Variants in RAD51B observed in about 807,000 individuals in gnomAD.
RAD51B encodes the protein DNA repair protein RAD51 homolog 2.
In RAD51B, 38 loss-of-function variants were observed where a neutral mutation model predicts 42.2. The observed-to-expected ratio is 0.90, with a 90% CI of 0.70 to 1.18. The LOEUF (loss-of-function observed/expected upper bound fraction) is 1.18. Ranked by LOEUF, RAD51B falls within the 50% of genes most tolerant of loss-of-function variation. RAD51B has a pLI of 0.00. For synonymous variants in RAD51B, 154 were observed against 145.2 expected, an observed-to-expected ratio of 1.06 and a Z score of -0.43; for missense variants, 373 against 400.7, an observed-to-expected ratio of 0.93 and a Z score of 0.59.
At chr14:68,342,709 G>A (rs2082596009) in intron 8 of RAD51B, among the ~76,000 whole-genome samples, 1 of 137,058 alleles carries the variant, frequency 7.3e-6, no homozygotes, top group Non-Finnish European at 1.7e-5. Flanking sequence ...GTTTATCCTT[G>A]TCACCATGTG....
At chr14:68,648,708 CA>C (rs1892636513) in intron 10 of RAD51B, among the ~76,000 whole-genome samples, 2 of 142,962 alleles carry the variant, frequency 1.4e-5, no homozygotes, top group African/African-American at 5.2e-5. Flanking sequence ...CACACACACA[CA>C]CACACAGGGA....
At chr14:67,947,317 C>T (rs2045429923) in intron 7 of RAD51B, among the ~76,000 whole-genome samples, 1 of 152,100 alleles carries the variant, frequency 6.6e-6, no homozygotes, top group African/African-American at 2.4e-5. Context: ...GAAATAGTTT[C>T]CTGTAAGGCA....
intron 9 of RAD51B, among the ~76,000 whole-genome samples, chr14:68,415,247 A>G (rs988693204): frequency 6.6e-6 from 1 of 152,006 alleles, no homozygotes; most frequent in Non-Finnish European, 1.5e-5. Flanking sequence ...CTCTGCCTTA[A>G]ATAATAGATA....
chr14:68,352,766 C>G (rs2082816417), intron 8 of RAD51B, among the ~76,000 whole-genome samples: 2 of 152,310 alleles, frequency 1.3e-5, no homozygotes, highest in African/African-American at 2.4e-5. Context: ...GGGACACTTA[C>G]CAGTATAAAT....
chr14:67,839,450 A>G (rs1264490607), intron 4 of RAD51B, among the ~76,000 whole-genome samples: 1 of 151,976 alleles, frequency 6.6e-6, no homozygotes, highest in Non-Finnish European at 1.5e-5. Flanking sequence ...ATGTTTTCAA[A>G]TTTATTATAA....
rs117748198 is a variant in RAD51B at position 68,546,963 on chromosome 14, C to T, written c.1037-47522C>T. Among the ~76,000 whole-genome samples, 22 of 152,314 alleles carry T rather than the reference C, an allele frequency of 1.4e-4. No individual in the cohort carries two copies. The East Asian group carries it at 4.0e-3, about 28-fold the overall frequency. ...TCAGGACTTTCTCCTTCTAGCACAC[C>T]CTGAGGGTGAGGCCAGAATTAGTCA... is the stretch of plus-strand genomic sequence containing the variant. On this transcript the variant is annotated intron_variant, in intron 10 of 10. Coordinates refer to the RAD51B transcript ENST00000487270.
intron 7 of RAD51B, among the ~76,000 whole-genome samples, chr14:67,921,585 A>T (rs1056574884): frequency 2.7e-5 from 4 of 147,048 alleles, no homozygotes; most frequent in African/African-American, 1.0e-4. Flanking sequence ...ACACACACAC[A>T]CACACACACA....
At chr14:68,116,290 C>T (rs2077546336) in intron 7 of RAD51B, among the ~76,000 whole-genome samples, 1 of 147,516 alleles carries the variant, frequency 6.8e-6, no homozygotes, top group Non-Finnish European at 1.5e-5. Context: ...ATTTTATTTG[C>T]TGATATTCTG....
chr14:68,285,992 CT>C (rs1332757929), intron 7 of RAD51B, among the ~76,000 whole-genome samples: 1 of 152,206 alleles, frequency 6.6e-6, no homozygotes, highest in Non-Finnish European at 1.5e-5. Context: ...TCTGAAAAGA[CT>C]TTTATCACAA....
chr14:68,482,238 C>G (rs1030179673), downstream of RAD51B, among the ~76,000 whole-genome samples: 1 of 150,438 alleles, frequency 6.6e-6, no homozygotes, highest in Non-Finnish European at 1.5e-5. Context: ...TCTCCCTAAT[C>G]CTGCTAGCCT....
chr14:67,940,046 ATATATATATTTTTTTTTTTTTTTTTT>A (rs1266499764), intron 7 of RAD51B, among the ~76,000 whole-genome samples: 2 of 14,662 alleles, frequency 1.4e-4, no homozygotes, highest in Non-Finnish European at 3.6e-4. Flanking sequence ...ATATATATAT[ATATATATATTTTTTTTTTTTTTTTTT>A]TTTTTTTTTT....
chr14:68,561,450 C>T (rs1889142848), intron 10 of RAD51B, among the ~76,000 whole-genome samples: 1 of 152,192 alleles, frequency 6.6e-6, no homozygotes, highest in African/African-American at 2.4e-5. Flanking sequence ...GGCATGCTCA[C>T]CTGGGGCCTC....
rs186389996 is a variant in RAD51B at position 68,044,883 on chromosome 14, T to C, written c.756+157679T>C. 1.6e-3 allele frequency among the ~76,000 whole-genome samples: 249 copies of C among 152,114 alleles called. 1 individual carries two copies. The highest frequency in any genetic ancestry group is 2.6e-3 in the Non-Finnish European group (175 of 67,984). ...GTAATCTCTGTTGCAGAAAGCAGGA[T>C]TTTTGTGAGGTTGAAAGGAAAGTGT... On this transcript the variant is annotated intron_variant, in intron 7 of 10. Coordinates refer to ENST00000471583, the MANE Select transcript of RAD51B (RefSeq NM_133510.4).
At chr14:68,058,088 A>G (rs1235986386) in intron 7 of RAD51B, among the ~76,000 whole-genome samples, 1 of 152,110 alleles carries the variant, frequency 6.6e-6, no homozygotes, top group Non-Finnish European at 1.5e-5. Context: ...CCTAATTTTT[A>G]TCATGATATA....
At chr14:67,995,611 CTTT>C (rs759241351) in intron 7 of RAD51B, among the ~76,000 whole-genome samples, 1 of 142,018 alleles carries the variant, frequency 7.0e-6, no homozygotes, top group African/African-American at 2.6e-5. Context: ...ATTTTATATT[CTTT>C]TTTTTTTTTT....
intron 7 of RAD51B, among the ~76,000 whole-genome samples, chr14:68,095,732 T>C (rs1258275827): frequency 1.3e-5 from 2 of 151,758 alleles, no homozygotes; most frequent in Admixed American, 6.6e-5. Flanking sequence ...TCCCAGCACT[T>C]TGGGAGCCCG....
intron 8 of RAD51B, among the ~76,000 whole-genome samples, chr14:68,356,818 A>T (rs2082915697): frequency 6.6e-6 from 1 of 151,610 alleles, no homozygotes; most frequent in East Asian, 1.9e-4. Context: ...CGTCTCTACT[A>T]AAAATACAAA....
At chr14:67,921,569 A>T (rs190020483) in intron 7 of RAD51B, among the ~76,000 whole-genome samples, 36 of 4,858 alleles carry the variant, frequency 7.4e-3, no homozygotes, top group African/African-American at 0.016. Context: ...TGTGCACATC[A>T]CACACACACA....
intron 7 of RAD51B, among the ~76,000 whole-genome samples, chr14:67,972,983 G>A (rs2074926667): frequency 6.6e-6 from 1 of 152,088 alleles, no homozygotes; most frequent in South Asian, 2.1e-4. Context: ...GGATTGGTTA[G>A]TTTCAGGGCA....
Sources: allele counts gnomAD v4.1 joint callset (sites outside exome capture counted in the v4.1 genomes callset), GRCh38; gene constraint gnomAD v4.1.1; transcripts MANE v1.5; gene names NCBI Gene and HGNC (gene_info 2026-07-23, HGNC 2026-07-21).